Variants in ERBB4 observed in about 807,000 individuals in gnomAD.
ERBB4 encodes receptor tyrosine-protein kinase erbB-4.
ERBB4 carries 42 observed loss-of-function variants against 158.0 expected under a neutral mutation model. That is an observed-to-expected ratio of 0.27 (90% CI 0.21 to 0.34). The LOEUF is 0.34. Among genes scored for constraint, ERBB4 ranks in the 10% least tolerant of loss-of-function variants. The pLI is 1.00. For missense variants in ERBB4, 1,333 were observed against 1,624.1 expected (o/e 0.82, Z 3.08); for synonymous variants, 583 against 558.7 (o/e 1.04, Z -0.61).
chr2:211,878,844 G>T (rs989957644), intron 3 of ERBB4, among the ~76,000 whole-genome samples: 1 of 151,860 alleles, frequency 6.6e-6, no homozygotes, highest in Non-Finnish European at 1.5e-5. Context: ...AACAAAAATT[G>T]CATTAGAGAA....
At chr2:211,466,676 A>G (rs1333289667) in intron 20 of ERBB4, among the ~76,000 whole-genome samples, 3 of 152,316 alleles carry the variant, frequency 2.0e-5, no homozygotes, top group Middle Eastern at 3.4e-3. Context: ...TTCAGTGAGT[A>G]GAAGAAAAAA....
At chr2:212,509,556 A>G (rs1398314362) in intron 1 of ERBB4, among the ~76,000 whole-genome samples, 1 of 152,034 alleles carries the variant, frequency 6.6e-6, no homozygotes, top group Non-Finnish European at 1.5e-5. Flanking sequence ...ATTAAGAATT[A>G]CCTGTAAATA....
intron 2 of ERBB4, among the ~76,000 whole-genome samples, chr2:211,973,110 C>T (rs1481532173): frequency 6.6e-6 from 1 of 151,730 alleles, no homozygotes; most frequent in Non-Finnish European, 1.5e-5. Flanking sequence ...AAAAAGTGGG[C>T]AAAAGACATG....
At chr2:212,509,847 T>C (rs1357637691) in intron 1 of ERBB4, among the ~76,000 whole-genome samples, 4 of 151,970 alleles carry the variant, frequency 2.6e-5, no homozygotes, top group African/African-American at 4.8e-5. Flanking sequence ...AGTTATGATA[T>C]GAGTTTCATT....
intron 1 of ERBB4, among the ~76,000 whole-genome samples, chr2:212,291,727 T>C (rs1328238388): frequency 6.6e-6 from 1 of 152,064 alleles, no homozygotes; most frequent in African/African-American, 2.4e-5. Context: ...GTCTGAATAT[T>C]TATAACCATA....
intron 2 of ERBB4, among the ~76,000 whole-genome samples, chr2:212,066,231 A>G (rs2077943855): frequency 6.6e-6 from 1 of 152,030 alleles, no homozygotes; most frequent in Non-Finnish European, 1.5e-5. Flanking sequence ...CAAAAATAAT[A>G]TAAAGATTAA....
chr2:211,504,198 T>C (rs1386191190), intron 20 of ERBB4, among the ~76,000 whole-genome samples: 3 of 152,044 alleles, frequency 2.0e-5, no homozygotes, highest in Non-Finnish European at 4.4e-5. Context: ...AAGTGCACAG[T>C]ACTGAGAAAT....
At chr2:212,287,794 C>G (rs1183166481) in intron 1 of ERBB4, among the ~76,000 whole-genome samples, 1 of 152,090 alleles carries the variant, frequency 6.6e-6, no homozygotes, top group Admixed American at 6.5e-5. Context: ...AGCCATTATC[C>G]TGAGCAAACT....
At chr2:211,605,895 G>A (rs1851196) in intron 19 of ERBB4, among the ~76,000 whole-genome samples, 126,299 of 151,976 alleles carry the variant, frequency 0.83, 53,221 homozygotes, top group Admixed American at 0.9. Flanking sequence ...GGTAGCAGGA[G>A]AATTTAGACC....
At chr2:211,694,850 G>A (rs574757780) in intron 12 of ERBB4, among the ~76,000 whole-genome samples, 2 of 152,238 alleles carry the variant, frequency 1.3e-5, no homozygotes, top group African/African-American at 4.8e-5. Flanking sequence ...GCATGGGATG[G>A]GTTAGGAGTG....
chr2:211,554,587 G>A (rs374310415), intron 20 of ERBB4, among the ~76,000 whole-genome samples: 1 of 152,216 alleles, frequency 6.6e-6, no homozygotes, highest in South Asian at 2.1e-4. Context: ...GACACCACAG[G>A]TACTGTCTGC....
intron 4 of ERBB4, among the ~76,000 whole-genome samples, chr2:211,753,836 C>G (rs1339842696): frequency 6.7e-6 from 1 of 148,288 alleles, no homozygotes; most frequent in African/African-American, 2.5e-5. Context: ...CAGGCATGCA[C>G]TAACCTCAAA....
chr2:212,449,317 T>A (rs1216108481), intron 1 of ERBB4, among the ~76,000 whole-genome samples: 1 of 152,146 alleles, frequency 6.6e-6, no homozygotes, highest in East Asian at 1.9e-4. Flanking sequence ...ACGATAAGTA[T>A]CAGCAGACTT....
intron 1 of ERBB4, among the ~76,000 whole-genome samples, chr2:212,445,867 C>A (rs1373560116): frequency 6.6e-6 from 1 of 152,192 alleles, no homozygotes; most frequent in Non-Finnish European, 1.5e-5. Context: ...ACCACATGAC[C>A]AGCTGCAGAA....
chr2:211,887,251 A>ATT (rs1459003882), intron 3 of ERBB4, among the ~76,000 whole-genome samples: 3 of 123,206 alleles, frequency 2.4e-5, no homozygotes, highest in Admixed American at 1.5e-4. Context: ...ATAACAGAGG[A>ATT]TTACACACAC....
rs143657445 is a variant in ERBB4, at chr2:212,425,336, G to A, written c.82+113113C>T. Among the ~76,000 whole-genome samples, 453 of 145,644 alleles carry A rather than the reference G, an allele frequency of 3.1e-3. 2 individuals are homozygous for A. The highest frequency in any genetic ancestry group is 4.5e-3 in the Admixed American group (65 of 14,454). ...ATATATGTGTTGGATAAATATATAAGGATACATATATATGAACATATATGT... is the reference window on the plus strand; with the variant it reads ...ATATATGTGTTGGATAAATATATAAAGATACATATATATGAACATATATGT... On this transcript the variant is annotated intron_variant, in intron 1 of 27. Transcript: ENST00000342788.
intron 1 of ERBB4, among the ~76,000 whole-genome samples, chr2:212,343,220 T>C (rs902740273): frequency 2.0e-5 from 3 of 152,170 alleles, no homozygotes; most frequent in Admixed American, 2.0e-4. Flanking sequence ...ATAATACTCT[T>C]GAAACTTTTT....
intron 1 of ERBB4, among the ~76,000 whole-genome samples, chr2:212,183,657 A>T (rs1246603758): frequency 2.6e-5 from 4 of 152,116 alleles, no homozygotes; most frequent in Non-Finnish European, 4.4e-5. Context: ...TTTTTTTGCT[A>T]CACTTTCAGT....
Position 212,474,822 on chromosome 2 carries a change from C to CTTTTTTTT in ERBB4, c.82+63619_82+63626dup, listed in dbSNP as rs539959668. Among the ~76,000 whole-genome samples, 447 of 94,386 alleles carry CTTTTTTTT rather than the reference C, an allele frequency of 4.7e-3. 39 individuals carry two copies. The highest frequency in any genetic ancestry group is 5.4e-3 in the Non-Finnish European group (286 of 53,278). The allele number at this position is 94,386 out of a possible 152,430, so 61.9% of individuals were successfully genotyped here. A position where few individuals can be genotyped will look rare whatever the true frequency, so the allele number is the denominator to read the frequency against. On this transcript the variant is annotated intron_variant, in intron 1 of 27. Transcript: ENST00000342788. ...CACCATTTCCTGACACCCGGCCATT[C>CTTTTTTTT]TTTTTTTTTTTTTTTTTTGTCAAGA... is the stretch of plus-strand genomic sequence containing the variant.
Sources: gnomAD v4.1 joint callset for allele counts (sites outside exome capture counted in the v4.1 genomes callset) on GRCh38, gnomAD v4.1.1 for gene constraint, MANE v1.5 for transcripts, NCBI Gene and HGNC (gene_info 2026-07-23, HGNC 2026-07-21) for gene names.